MTCL1: variants seen among roughly 807,000 people sequenced by gnomAD.
The protein encoded by MTCL1 is microtubule crosslinking factor 1.
A neutral mutation model predicts 141.4 loss-of-function variants in MTCL1; 79 were observed. The ratio of observed to expected loss-of-function variants is 0.56; its 90% CI spans 0.47 to 0.67. The LOEUF (loss-of-function observed/expected upper bound fraction) is 0.67, where lower values mean the gene tolerates loss of function less well. MTCL1 is among the 30% of genes least tolerant of loss of function. The pLI, the probability that MTCL1 is intolerant of heterozygous loss-of-function variation, is 0.00. For missense variants in MTCL1, 2,177 were observed against 2,113.9 expected (o/e 1.03, Z -0.59); for synonymous variants, 914 against 875.8 (o/e 1.04, Z -0.77).
intron 4 of MTCL1, among the ~76,000 whole-genome samples, chr18:8,736,464 A>G (rs1388628441): frequency 1.3e-5 from 2 of 152,144 alleles, no homozygotes; most frequent in African/African-American, 4.8e-5. Flanking sequence ...ATCTTCTAAC[A>G]CAAAGCCTGT....
At chr18:8,820,283 G>A (rs1202129678) in intron 13 of MTCL1, among the ~76,000 whole-genome samples, 3 of 152,028 alleles carry the variant, frequency 2.0e-5, no homozygotes, top group Non-Finnish European at 2.9e-5. Context: ...GGTGGCGGGT[G>A]CCTGTAGTCC....
At chr18:8,707,007 C>A in intron 1 of MTCL1, 1 of 375,892 alleles carries the variant, frequency 2.7e-6, no homozygotes, top group Non-Finnish European at 4.7e-6. Flanking sequence ...GCAGAGGAGG[C>A]TGTAATCGTT....
chr18:8,783,821 G>T (rs2096540894), exon 6 of MTCL1: 1 of 1,613,152 alleles, frequency 6.2e-7, no homozygotes, highest in Admixed American at 1.7e-5. Flanking sequence ...TGGCCTCAAG[G>T]CAGAGATGGA....
chr18:8,824,722 C>CT lies in MTCL1; in HGVS notation c.3213dup (p.Glu1072Ter). 6.2e-7 allele frequency: 1 copy of CT among 1,613,238 alleles called. No homozygotes were observed. Among genetic ancestry groups the CT allele is most frequent in the African/African-American group, 1.3e-5 (1 of 75,036 alleles). Reference sequence around the variant, plus strand: ...AGGGCGGTGTCCGTGTCCTCCATGTCTGAGTTCCAGCGTCTAATGGACATC... The same window carrying CT: ...AGGGCGGTGTCCGTGTCCTCCATGTCTTGAGTTCCAGCGTCTAATGGACATC... On this transcript the variant is annotated frameshift_variant, in exon 15 of 17. Coordinates refer to ENST00000359865, the Ensembl canonical transcript of MTCL1. LOFTEE classifies it high-confidence loss of function.
At chr18:8,706,703 A>G (rs1438073631) in exon 1 of MTCL1, 1 of 1,545,860 alleles carries the variant, frequency 6.5e-7, no homozygotes, top group Admixed American at 2.0e-5. Context: ...TCGGAGAACG[A>G]CTATCTCAAG....
chr18:8,783,410 TG>T, intron 5 of MTCL1, 119 bp from the exon 5 acceptor site: 2 of 952,136 alleles, frequency 2.1e-6, no homozygotes, highest in Non-Finnish European at 3.1e-6. Flanking sequence ...GCGGCACCGA[TG>T]GGAAGATCGG....
At chr18:8,706,285 A>T in exon 1 of MTCL1, 1 of 1,229,338 alleles carries the variant, frequency 8.1e-7, no homozygotes, top group Non-Finnish European at 1.0e-6. Context: ...CACGGACAGC[A>T]GCTCCGACCT....
exon 17 of MTCL1, chr18:8,832,070 G>A (rs2077207723): frequency 3.9e-6 from 2 of 509,244 alleles, no homozygotes; most frequent in East Asian, 6.7e-5. Flanking sequence ...TATATTAAAC[G>A]AAAAGGTAAA....
chr18:8,831,927 A>C, exon 17 of MTCL1: 1 of 1,140,242 alleles, frequency 8.8e-7, no homozygotes, highest in Non-Finnish European at 1.2e-6. Context: ...GTTTTTTAAA[A>C]ACACAAAGCT....
At chr18:8,789,737 A>T (rs757298288) in intron 7 of MTCL1, 2 of 984,616 alleles carry the variant, frequency 2.0e-6, no homozygotes, top group Non-Finnish European at 2.4e-6. Context: ...GTGAACAAAA[A>T]AAGGGTTTTT....
At chr18:8,739,611 C>G (rs549014230) in intron 4 of MTCL1, among the ~76,000 whole-genome samples, 9 of 152,338 alleles carry the variant, frequency 5.9e-5, no homozygotes, top group South Asian at 2.1e-4. Flanking sequence ...CACTGTGAAA[C>G]AGCACTGTGT....
At chr18:8,742,052 C>T (rs1461369105) in intron 4 of MTCL1, among the ~76,000 whole-genome samples, 1 of 144,292 alleles carries the variant, frequency 6.9e-6, no homozygotes, top group Admixed American at 7.2e-5. Flanking sequence ...AAAAAAAAAG[C>T]ACTGTGCTAT....
intron 15 of MTCL1, among the ~76,000 whole-genome samples, chr18:8,827,368 T>C (rs948820081): frequency 2.0e-5 from 3 of 152,242 alleles, no homozygotes; most frequent in Admixed American, 6.5e-5. Flanking sequence ...TAACTCAGAA[T>C]GCAGGCTTGA....
intron 4 of MTCL1, among the ~76,000 whole-genome samples, chr18:8,764,148 C>CT (rs1176303821): frequency 6.6e-6 from 1 of 151,524 alleles, no homozygotes; most frequent in Non-Finnish European, 1.5e-5. Context: ...AATAGTGGGT[C>CT]TTTTTTTCTA....
At chr18:8,790,678 G>A (rs28455784) in intron 7 of MTCL1, among the ~76,000 whole-genome samples, 1,840 of 152,312 alleles carry the variant, frequency 0.012, 38 homozygotes, top group African/African-American at 0.042. Flanking sequence ...GAATTCCCAG[G>A]AAATTTAGGG....
chr18:8,738,364 T>G (rs1260865396), intron 4 of MTCL1, among the ~76,000 whole-genome samples: 1 of 152,222 alleles, frequency 6.6e-6, no homozygotes, highest in East Asian at 1.9e-4. Context: ...GGGAAACTCA[T>G]GAGTAAGGAG....
chr18:8,705,760 GA>G lies in MTCL1; in HGVS notation c.103del (p.Arg35GlyfsTer152). 1 of 1,202,122 alleles carries G rather than the reference GA, an allele frequency of 8.3e-7. No individual in the cohort carries two copies. The allele number at this position is 1,202,122 out of a possible 1,614,324, so 74.5% of individuals were successfully genotyped here. On this transcript the variant is annotated frameshift_variant, in exon 1 of 14. Transcript: ENST00000306329. LOFTEE classifies it high-confidence loss of function. This position sits in a 1 kb window ranked among gnomAD's most constrained non-coding sequence, Gnocchi z 5.2. The stretch of plus-strand genomic sequence containing the variant: ...CCACCACCACCTCCACCCGGTGGCC[GA>G]AAGGCGGCGGCTGCACCGTGCGCCC...
chr18:8,817,368 G>A (rs533553080), intron 12 of MTCL1, among the ~76,000 whole-genome samples: 4 of 146,750 alleles, frequency 2.7e-5, no homozygotes, highest in East Asian at 2.0e-4. Context: ...AAGCTAAAAC[G>A]TAGAGTTTTT....
At chr18:8,787,620 T>C (rs1226169979) in intron 7 of MTCL1, among the ~76,000 whole-genome samples, 1 of 152,262 alleles carries the variant, frequency 6.6e-6, no homozygotes, top group African/African-American at 2.4e-5. Context: ...TAATTTTCTA[T>C]ATTTTAACAA....
Sources: allele counts gnomAD v4.1 joint callset (sites outside exome capture counted in the v4.1 genomes callset), GRCh38; gene constraint gnomAD v4.1.1; non-coding constraint Gnocchi (gnomAD v3.1); transcripts MANE v1.5; gene names NCBI Gene and HGNC (gene_info 2026-07-23, HGNC 2026-07-21).